The following PRKG1 variants were observed in gnomAD, a reference collection of about 807,000 sequenced individuals.
The protein encoded by PRKG1 is protein kinase cGMP-dependent 1.
PRKG1 carries 35 observed loss-of-function variants against 88.1 expected under a neutral mutation model. That is an observed-to-expected ratio of 0.40 (90% CI 0.30 to 0.53). The LOEUF (loss-of-function observed/expected upper bound fraction) is 0.53, where lower values mean the gene tolerates loss of function less well. Among genes scored for constraint, PRKG1 ranks in the 20% least tolerant of loss-of-function variants. The pLI is 0.59. For synonymous variants in PRKG1, 303 were observed against 292.5 expected (o/e 1.04, Z -0.37); for missense variants, 540 against 839.8 (o/e 0.64, Z 4.41).
chr10:51,250,814 TAGA>T (rs1564655563), intron 2 of PRKG1, among the ~76,000 whole-genome samples: 1 of 151,766 alleles, frequency 6.6e-6, no homozygotes, highest in Non-Finnish European at 1.5e-5. Context: ...GAGGAGGAAG[TAGA>T]AGAACTGGTA....
intron 2 of PRKG1, among the ~76,000 whole-genome samples, chr10:51,403,637 G>T (rs533981012): frequency 6.6e-6 from 1 of 152,210 alleles, no homozygotes; most frequent in East Asian, 1.9e-4. Context: ...CTGAACCCAG[G>T]TCTCCTTTTT....
At chr10:51,424,367 C>T (rs293325) in intron 2 of PRKG1, among the ~76,000 whole-genome samples, 127,993 of 152,006 alleles carry the variant, frequency 0.84, 54,431 homozygotes, top group African/African-American at 0.92. Context: ...GATACCTTTC[C>T]AATATTTTCT....
chr10:51,522,227 A>G (rs1841753386), intron 3 of PRKG1, among the ~76,000 whole-genome samples: 1 of 152,222 alleles, frequency 6.6e-6, no homozygotes, highest in South Asian at 2.1e-4. Context: ...AAGACCATGT[A>G]GAATATGATC....
At chr10:51,692,539 C>T (rs190087603) in intron 3 of PRKG1, among the ~76,000 whole-genome samples, 65 of 152,212 alleles carry the variant, frequency 4.3e-4, no homozygotes, top group African/African-American at 1.5e-3. Context: ...CACCACGCCC[C>T]GCCCAACTAT....
chr10:52,015,563 C>T (rs1314696408), intron 5 of PRKG1, among the ~76,000 whole-genome samples: 1 of 152,208 alleles, frequency 6.6e-6, no homozygotes, highest in African/African-American at 2.4e-5. Flanking sequence ...ACATTTGGCT[C>T]CTCATTACTT....
At chr10:51,419,292 T>C (rs1838338860) in intron 2 of PRKG1, among the ~76,000 whole-genome samples, 1 of 151,942 alleles carries the variant, frequency 6.6e-6, no homozygotes, top group Non-Finnish European at 1.5e-5. Context: ...CTCAAGGAAG[T>C]GAAGGGAGAA....
intron 8 of PRKG1, among the ~76,000 whole-genome samples, chr10:52,141,128 A>G (rs950346596): frequency 3.9e-5 from 6 of 152,082 alleles, no homozygotes; most frequent in Non-Finnish European, 8.8e-5. Context: ...TTTTTTACAG[A>G]GCTGTTATTG....
At chr10:52,206,266 T>C (rs67024255) in intron 9 of PRKG1, among the ~76,000 whole-genome samples, 23,584 of 152,116 alleles carry the variant, frequency 0.16, 2,071 homozygotes, top group South Asian at 0.26. Flanking sequence ...CAGATCAGTT[T>C]GTTTCTTTCT....
At chr10:52,002,499 G>A (rs1236691128) in intron 5 of PRKG1, among the ~76,000 whole-genome samples, 1 of 151,760 alleles carries the variant, frequency 6.6e-6, no homozygotes, top group Non-Finnish European at 1.5e-5. Flanking sequence ...ATGTTAACAC[G>A]GATCCACTCA....
At chr10:52,258,437 ATGTTCAT>A (rs1841356764) in intron 10 of PRKG1, among the ~76,000 whole-genome samples, 1 of 149,380 alleles carries the variant, frequency 6.7e-6, no homozygotes, top group South Asian at 2.1e-4. Flanking sequence ...AATTACTTTC[ATGTTCAT>A]TGTATAATTT....
At chr10:51,483,366 C>T (rs1377794692) in intron 3 of PRKG1, among the ~76,000 whole-genome samples, 1 of 152,124 alleles carries the variant, frequency 6.6e-6, no homozygotes, top group East Asian at 1.9e-4. Context: ...GGGTTTCTTT[C>T]CATTTAATGC....
At chr10:51,617,697 C>G (rs79310334) in intron 3 of PRKG1, among the ~76,000 whole-genome samples, 6,152 of 152,320 alleles carry the variant, frequency 0.04, 173 homozygotes, top group Middle Eastern at 0.085. Context: ...CTGTGTGCCA[C>G]TACATTCTAT....
chr10:52,094,185 T>G (rs1847121325), intron 7 of PRKG1, among the ~76,000 whole-genome samples: 1 of 152,144 alleles, frequency 6.6e-6, no homozygotes, highest in African/African-American at 2.4e-5. Flanking sequence ...GTATTATGCT[T>G]GACAAAATGA....
Position 51,854,348 on chromosome 10 carries a change from G to A in PRKG1, c.698+49658G>A, listed in dbSNP as rs545118303. Among the ~76,000 whole-genome samples, 10 of 152,156 alleles carry A rather than the reference G, an allele frequency of 6.6e-5. No individual in the cohort carries two copies. The South Asian group carries it at 8.3e-4, about 13-fold the overall frequency. ...TCAGATAAGAACATCTGATTACATCGATATCTCTGTGCAGTGTTTGGGGAC... is the reference window on the plus strand; with the variant it reads ...TCAGATAAGAACATCTGATTACATCAATATCTCTGTGCAGTGTTTGGGGAC... On this transcript the variant is annotated intron_variant, in intron 4 of 17. Transcript: ENST00000373980.
Position 51,760,870 on chromosome 10 carries a change from C to T in PRKG1, c.593-43715C>T, listed in dbSNP as rs534710634. On this transcript the variant is annotated intron_variant, in intron 3 of 17. Coordinates refer to ENST00000373980, the MANE Select transcript of PRKG1 (RefSeq NM_006258.4). ...TGGCTGATGCCTGTAATCTTAGCAC[C>T]GCGGGAGGCTGAAGCGGGTGGATCA... 1.1e-3 allele frequency among the ~76,000 whole-genome samples: 164 copies of T among 152,144 alleles called. 1 individual carries two copies. Among genetic ancestry groups the T allele is most frequent in the African/African-American group, 3.4e-3 (143 of 41,522 alleles).
chr10:51,562,415 T>C (rs1343835597), intron 3 of PRKG1, among the ~76,000 whole-genome samples: 3 of 152,084 alleles, frequency 2.0e-5, no homozygotes, highest in African/African-American at 7.2e-5. Context: ...AATTGTGAGG[T>C]TCTGTTACTC....
intron 3 of PRKG1, among the ~76,000 whole-genome samples, chr10:51,690,542 G>A (rs1341585095): frequency 1.3e-5 from 2 of 152,052 alleles, no homozygotes; most frequent in African/African-American, 2.4e-5. Context: ...ATTGGTACAG[G>A]CTGCTTCATA....
At chr10:51,125,964 T>C (rs1219355429) in intron 1 of PRKG1, among the ~76,000 whole-genome samples, 2 of 128,100 alleles carry the variant, frequency 1.6e-5, no homozygotes, top group Non-Finnish European at 3.1e-5. Context: ...TATATATGAA[T>C]ATATAATTAT....
intron 3 of PRKG1, among the ~76,000 whole-genome samples, chr10:51,734,940 T>G (rs73345315): frequency 0.041 from 6,277 of 152,184 alleles, 432 homozygotes; most frequent in African/African-American, 0.14. Flanking sequence ...AGGGGTTAAG[T>G]GAAGGATTCT....
Sources: gnomAD v4.1 joint callset for allele counts (sites outside exome capture counted in the v4.1 genomes callset) on GRCh38, gnomAD v4.1.1 for gene constraint, MANE v1.5 for transcripts, NCBI Gene and HGNC (gene_info 2026-07-23, HGNC 2026-07-21) for gene names.